INTS3: variants seen among roughly 807,000 people sequenced by gnomAD.
INTS3 encodes integrator complex subunit 3.
In INTS3, 34 loss-of-function variants were observed where a neutral mutation model predicts 146.3. The ratio of observed to expected loss-of-function variants is 0.23; its 90% confidence interval spans 0.18 to 0.31. The LOEUF is 0.31. Ranked by LOEUF, INTS3 falls within the 10% of genes least tolerant of loss-of-function variation. The pLI, the probability that INTS3 is intolerant of heterozygous loss-of-function variation, is 1.00. For missense variants in INTS3, 757 were observed against 1,304.2 expected (o/e 0.58, Z 6.46); for synonymous variants, 475 against 494.9 (o/e 0.96, Z 0.53).
At chr1:153,753,042 T>C (rs1190097243) in intron 8 of INTS3, among the ~76,000 whole-genome samples, 2 of 145,532 alleles carry the variant, frequency 1.4e-5, no homozygotes, top group African/African-American at 5.0e-5. Flanking sequence ...GCTCCCCTCC[T>C]ACACACACAC....
intron 7 of INTS3, 134 bp downstream of exon 7, chr1:153,751,373 A>C: frequency 1.2e-6 from 1 of 857,500 alleles, no homozygotes; most frequent in Non-Finnish European, 1.8e-6. Context: ...TCCATCATTC[A>C]TCAACAGATG....
At chr1:153,761,154 C>A in intron 13 of INTS3, 2 of 1,087,840 alleles carry the variant, frequency 1.8e-6, no homozygotes, top group Non-Finnish European at 2.5e-6. Flanking sequence ...CTTCAGGGAT[C>A]TGAGTATGGT....
At chr1:153,730,483 T>C (rs1671022921) in intron 1 of INTS3, among the ~76,000 whole-genome samples, 1 of 152,136 alleles carries the variant, frequency 6.6e-6, no homozygotes, top group Non-Finnish European at 1.5e-5. Flanking sequence ...TCCATCAGTT[T>C]GAGTGGAGGG....
At chr1:153,764,784 C>T (rs1222927133) in intron 19 of INTS3, 50 bp downstream of exon 19, 3 of 1,524,466 alleles carry the variant, frequency 2.0e-6, no homozygotes, top group Non-Finnish European at 1.8e-6. Flanking sequence ...TCCTCCCTGA[C>T]AGCACACACA....
chr1:153,760,991 A>G, intron 13 of INTS3, 73 bp downstream of exon 13: 3 of 1,579,774 alleles, frequency 1.9e-6, no homozygotes, highest in Non-Finnish European at 2.6e-6. Context: ...AAATGTTGCC[A>G]TAGCACTGCT....
In INTS3 at chr1:153,772,058, G is replaced by T; in HGVS notation, c.2720+95G>T. ...GGTGGTGGTGGTGGTGGTGATGGGG[G>T]TCAGTGCTGTCCCAGCCTGGTTTGT... On this transcript the variant is annotated intron_variant, in intron 26 of 29. Coordinates refer to ENST00000318967, the MANE Select transcript of INTS3 (RefSeq NM_023015.5). This position sits in a 1 kb window ranked among gnomAD's most constrained non-coding sequence, Gnocchi z 4.6. The T allele has an allele frequency of 7.6e-7, 1 of 1,308,746 alleles. No individual in the cohort carries two copies. The highest frequency in any genetic ancestry group is 1.0e-6 in the Non-Finnish European group (1 of 953,190). 81.1% of individuals were successfully genotyped at this position (1,308,746 alleles called of 1,614,324 possible). A position where few individuals can be genotyped will look rare whatever the true frequency, so the allele number is the denominator to read the frequency against.
At position 153,757,348 on chromosome 1, in the gene INTS3, T is replaced by C. The variant is rs961396803; in HGVS notation, c.958-224T>C. ...GCCTGAGGTCAGTGGCAAGAATGAC[T>C]GTAACATCAGAATGCAGGGCAAGCT... On this transcript the variant is annotated intron_variant, in intron 9 of 29. Transcript: ENST00000318967. The surrounding 1 kb of genome is among the most constrained non-coding windows in gnomAD (Gnocchi z 4.0). 2.0e-5 allele frequency among the ~76,000 whole-genome samples: 3 copies of C among 152,134 alleles called. No homozygotes were observed. Among genetic ancestry groups the C allele is most frequent in the Admixed American group, 6.5e-5 (1 of 15,284 alleles).
In INTS3 at chr1:153,760,146, C is replaced by T. The variant is rs1462785513; in HGVS notation, c.1238-165C>T. 54 of 594,608 alleles carry T rather than the reference C, an allele frequency of 9.1e-5. 2 individuals carry two copies. Among genetic ancestry groups the T allele is most frequent in the South Asian group, 8.1e-4 (38 of 46,804 alleles). 36.8% of individuals were successfully genotyped at this position (594,608 alleles called of 1,614,324 possible). A position where few individuals can be genotyped will look rare whatever the true frequency, so the allele number is the denominator to read the frequency against. Reference sequence around the variant, plus strand: ...GCTGGGGAGGTTGAGGCATGAGATTCGCTTGAACCTGGGAGGCAGAGGCTT... The same window carrying T: ...GCTGGGGAGGTTGAGGCATGAGATTTGCTTGAACCTGGGAGGCAGAGGCTT... On this transcript the variant is annotated intron_variant, in intron 11 of 29. Transcript: ENST00000318967.
Position 153,757,489 on chromosome 1 carries a change from A to G in INTS3, c.958-83A>G. On this transcript the variant is annotated intron_variant, in intron 9 of 29. Transcript: ENST00000318967. The surrounding 1 kb of genome is among the most constrained non-coding windows in gnomAD (Gnocchi z 4.0). Reference sequence around the variant, plus strand: ...AGAAATAGAGGTCTAGGGCAAACCTAGAGTTAAGTGGTGCTCGTTTTCCTC... The same window carrying G: ...AGAAATAGAGGTCTAGGGCAAACCTGGAGTTAAGTGGTGCTCGTTTTCCTC... The G allele has an allele frequency of 8.3e-7, 1 of 1,202,612 alleles. No homozygotes were observed. Among genetic ancestry groups the G allele is most frequent in the Admixed American group, 1.9e-5 (1 of 52,742 alleles). The allele number at this position is 1,202,612 out of a possible 1,614,324, so 74.5% of individuals were successfully genotyped here.
In INTS3 at chr1:153,771,359, G is replaced by A. The variant is rs572872997; in HGVS notation, c.2553-437G>A. Among the ~76,000 whole-genome samples the A allele has an allele frequency of 2.0e-5, 3 of 152,320 alleles. No individual in the cohort carries two copies. In the East Asian group the frequency reaches 5.8e-4, roughly 29 times the overall value. ...TGGTACAGAGTGTCCTAGAGGAAGT[G>A]GGAAGCTTGGAGGCTGTATGGGGCT... On this transcript the variant is annotated intron_variant, in intron 25 of 29. Transcript: ENST00000318967.
rs767206268 is a variant in INTS3 at position 153,728,793 on chromosome 1, G to T, written c.150+9G>T. ...AGGATGAGTTAGAGGAGGTAGGTGTGGGGGGAGGGAAGGGAGTTAAGAAAT... is the reference window on the plus strand; with the variant it reads ...AGGATGAGTTAGAGGAGGTAGGTGTTGGGGGAGGGAAGGGAGTTAAGAAAT... On this transcript the variant is annotated intron_variant, in intron 1 of 29. Coordinates refer to ENST00000318967, the MANE Select transcript of INTS3 (RefSeq NM_023015.5). 30 of 1,590,744 alleles carry T rather than the reference G, an allele frequency of 1.9e-5. No homozygotes were observed. The highest frequency in any genetic ancestry group is 1.4e-4 in the South Asian group (13 of 89,990).
intron 2 of INTS3, 29 bp downstream of exon 2, chr1:153,740,763 TG>T: frequency 6.7e-7 from 1 of 1,494,356 alleles, no homozygotes; most frequent in East Asian, 2.3e-5. Flanking sequence ...CTGCAGCCAC[TG>T]CTGCTGCTGT....
intron 3 of INTS3, among the ~76,000 whole-genome samples, chr1:153,745,964 G>A (rs538857088): frequency 3.3e-5 from 5 of 152,278 alleles, no homozygotes; most frequent in Admixed American, 3.3e-4. Flanking sequence ...AATTATCTGG[G>A]CGTGGTGGTG....
intron 1 of INTS3, among the ~76,000 whole-genome samples, chr1:153,732,897 A>C (rs1385706503): frequency 1.3e-5 from 2 of 149,736 alleles, no homozygotes; most frequent in Admixed American, 1.3e-4. Context: ...TGCACTTCCC[A>C]GATTCAAGCG....
At position 153,767,680 on chromosome 1, in the gene INTS3, C is replaced by T. The variant is rs368002670; in HGVS notation, c.2097C>T (p.Ala699=). Reference sequence around the variant, plus strand: ...GGCCCAGCTGGTCTTGCAGCAAAGCCGCCGCAGGGAAGATGAACCTGTACG... The same window carrying T: ...GGCCCAGCTGGTCTTGCAGCAAAGCTGCCGCAGGGAAGATGAACCTGTACG... The part of the protein sequence containing the change: ...HLLYYLRASK[A]AAGKMNLYES... Residue 699 remains alanine, a synonymous_variant, in exon 21 of 30, where the codon GCC becomes GCT. Transcript: ENST00000318967. 376 of 1,585,556 alleles carry T rather than the reference C, an allele frequency of 2.4e-4. No individual in the cohort carries two copies. The highest frequency in any genetic ancestry group is 3.1e-4 in the Non-Finnish European group (361 of 1,160,888).
chr1:153,755,575 C>T (rs1054521856), intron 9 of INTS3, among the ~76,000 whole-genome samples: 3 of 152,090 alleles, frequency 2.0e-5, no homozygotes, highest in South Asian at 2.1e-4. Flanking sequence ...CTGTTTTTAG[C>T]AGACTTCCCA....
intron 1 of INTS3, among the ~76,000 whole-genome samples, chr1:153,731,841 T>G (rs1671074988): frequency 6.8e-6 from 1 of 147,510 alleles, no homozygotes; most frequent in Admixed American, 6.9e-5. Flanking sequence ...CACCTCGGCC[T>G]CCCAAAGTGC....
In INTS3 at chr1:153,730,541, ATTGTGTCTCTGC is replaced by A. The variant is rs535901345; in HGVS notation, c.150+1760_150+1771del. 2.9e-3 allele frequency among the ~76,000 whole-genome samples: 449 copies of A among 152,246 alleles called. 2 individuals carry two copies. The highest frequency in any genetic ancestry group is 0.01 in the African/African-American group (433 of 41,556). On this transcript the variant is annotated intron_variant, in intron 1 of 29. Coordinates refer to ENST00000318967, the MANE Select transcript of INTS3 (RefSeq NM_023015.5). ...CCCCACCCTGATTCTTAGAGGCGTC[ATTGTGTCTCTGC>A]TTTAATTCAATTCACTGAATAGTAC...
chr1:153,771,778 G>A lies in INTS3; in HGVS notation c.2553-18G>A, dbSNP rs375707652. 8 of 1,604,402 alleles carry A rather than the reference G, an allele frequency of 5.0e-6. No individual in the cohort carries two copies. In the African/African-American group the frequency reaches 5.3e-5, roughly 11 times the overall value. ...GGCCACTGTGCAAGCAGCACCCAGT[G>A]CCCCCTTCCTCCCCCAGGCCCAGCG... On this transcript the variant is annotated intron_variant, in intron 25 of 29. Transcript: ENST00000318967.
Sources: allele counts gnomAD v4.1 joint callset (sites outside exome capture counted in the v4.1 genomes callset), GRCh38; gene constraint gnomAD v4.1.1; non-coding constraint Gnocchi (gnomAD v3.1); transcripts MANE v1.5; gene names NCBI Gene and HGNC (gene_info 2026-07-23, HGNC 2026-07-21).